The following ST3GAL2 variants were observed in gnomAD, a reference collection of about 807,000 sequenced individuals.
ST3GAL2 encodes CMP-N-acetylneuraminate-beta-galactosamide-alpha-2,3-sialyltransferase 2.
A neutral mutation model predicts 37.5 loss-of-function variants in ST3GAL2; 16 were observed. That is an observed-to-expected ratio of 0.43 (90% CI 0.29 to 0.65). The LOEUF (loss-of-function observed/expected upper bound fraction) is 0.65, where lower values mean the gene tolerates loss of function less well. Ranked by LOEUF, ST3GAL2 falls within the 30% of genes least tolerant of loss-of-function variation. ST3GAL2 has a pLI of 0.17. For missense variants in ST3GAL2, 383 were observed against 487.8 expected (o/e 0.79, Z 2.02); for synonymous variants, 238 against 202.9 (o/e 1.17, Z -1.47).
chr16:70,419,927 T>C (rs987300304), intron 1 of ST3GAL2, among the ~76,000 whole-genome samples: 4 of 151,728 alleles, frequency 2.6e-5, no homozygotes, highest in African/African-American at 7.3e-5. Flanking sequence ...GCTGCAGGTA[T>C]GGAGGCCTAC....
chr16:70,394,647 G>A (rs8046253), intron 3 of ST3GAL2, among the ~76,000 whole-genome samples: 1 of 152,120 alleles, frequency 6.6e-6, no homozygotes, highest in Non-Finnish European at 1.5e-5. Context: ...CAAAGCGCTG[G>A]AATTACAGGT....
intron 4 of ST3GAL2, among the ~76,000 whole-genome samples, chr16:70,386,316 T>C (rs2047443264): frequency 6.6e-6 from 1 of 152,114 alleles, no homozygotes; most frequent in Admixed American, 6.6e-5. Context: ...GCCTCCCCAG[T>C]AGCTGGGACT....
chr16:70,388,911 AAAAC>A (rs1356288715), intron 3 of ST3GAL2, among the ~76,000 whole-genome samples: 4 of 151,040 alleles, frequency 2.6e-5, no homozygotes, highest in African/African-American at 9.7e-5. Flanking sequence ...TAAAAAAAAA[AAAAC>A]AAATATAAAA....
intron 6 of ST3GAL2, among the ~76,000 whole-genome samples, chr16:70,382,257 A>G (rs2047411548): frequency 6.6e-6 from 1 of 151,100 alleles, no homozygotes; most frequent in South Asian, 2.1e-4. Context: ...ATTCAACTAC[A>G]TACACTCTCC....
At chr16:70,382,278 T>C (rs147226396) in intron 6 of ST3GAL2, among the ~76,000 whole-genome samples, 6 of 152,084 alleles carry the variant, frequency 3.9e-5, no homozygotes, top group Non-Finnish European at 7.4e-5. Flanking sequence ...ATTCTATTTA[T>C]GTTTTTTTTT....
intron 1 of ST3GAL2, among the ~76,000 whole-genome samples, chr16:70,404,743 T>C (rs987857605): frequency 6.6e-5 from 10 of 152,062 alleles, no homozygotes; most frequent in African/African-American, 1.9e-4. Flanking sequence ...ACATAAAAAC[T>C]TGTACACATG....
At chr16:70,385,912 G>T (rs2047439729) in intron 4 of ST3GAL2, among the ~76,000 whole-genome samples, 2 of 151,856 alleles carry the variant, frequency 1.3e-5, no homozygotes, top group Non-Finnish European at 2.9e-5. Flanking sequence ...TCGCCATGTT[G>T]CCCAAGGTGG....
At chr16:70,413,659 C>A (rs1215337095) in intron 1 of ST3GAL2, among the ~76,000 whole-genome samples, 1 of 150,818 alleles carries the variant, frequency 6.6e-6, no homozygotes, top group Non-Finnish European at 1.5e-5. Flanking sequence ...TTGCTTGAGC[C>A]CAGGAAGCGG....
At chr16:70,402,459 A>C (rs1349947799) in intron 1 of ST3GAL2, among the ~76,000 whole-genome samples, 1 of 152,170 alleles carries the variant, frequency 6.6e-6, no homozygotes, top group East Asian at 1.9e-4. Flanking sequence ...ATCCATGAAA[A>C]GCTAAAAAAT....
At position 70,381,572 on chromosome 16, in the gene ST3GAL2, G is replaced by A. The variant is rs1390484387; in HGVS notation, c.*117C>T. ...GGTCCCCCAGTCTCGTGATTGGCGG[G>A]GCACAGCAGACGCCCCTGGGCTGCA... On this transcript the variant is annotated 3_prime_UTR_variant, in exon 7 of 7. Transcript: ENST00000342907. The A allele has an allele frequency of 1.6e-6, 2 of 1,272,178 alleles. No individual in the cohort carries two copies. The highest frequency in any genetic ancestry group is 1.5e-5 in the African/African-American group (1 of 66,762). 78.8% of individuals were successfully genotyped at this position (1,272,178 alleles called of 1,614,324 possible). A position where few individuals can be genotyped will look rare whatever the true frequency, so the allele number is the denominator to read the frequency against.
At chr16:70,384,038 C>T (rs1313349938) in intron 4 of ST3GAL2, among the ~76,000 whole-genome samples, 4 of 152,032 alleles carry the variant, frequency 2.6e-5, no homozygotes, top group East Asian at 3.9e-4. Context: ...CCACGGCCCC[C>T]GTAACCTACA....
rs567688682 is a variant in ST3GAL2 at position 70,439,022 on chromosome 16, T to TCGC, written c.-1080_-1078dup. 2,950 of 157,422 alleles carry TCGC rather than the reference T, an allele frequency of 0.019. 29 individuals are homozygous for TCGC. Among genetic ancestry groups the TCGC allele is most frequent in the Non-Finnish European group, 0.028 (2,140 of 76,874 alleles). 9.8% of individuals were successfully genotyped at this position (157,422 alleles called of 1,614,324 possible). A position where few individuals can be genotyped will look rare whatever the true frequency, so the allele number is the denominator to read the frequency against. On this transcript the variant is annotated 5_prime_UTR_variant, in exon 1 of 7. Transcript: ENST00000342907. The stretch of plus-strand genomic sequence containing the variant: ...CCGCCGCCGCCCGCGCAGAAAGCCG[T>TCGC]CGCCGCCGCCGCCGCCGCCGCCGCC...
intron 1 of ST3GAL2, among the ~76,000 whole-genome samples, chr16:70,423,750 C>T (rs1407637258): frequency 6.9e-6 from 1 of 145,068 alleles, no homozygotes; most frequent in African/African-American, 2.6e-5. Context: ...GATCTCGGCT[C>T]ACCACAACCT....
Position 70,378,191 on chromosome 16 carries a change from T to G in ST3GAL2, c.*3498A>C, listed in dbSNP as rs2047364195. The G allele has an allele frequency of 6.6e-6, 1 of 152,030 alleles. No individual in the cohort carries two copies. The highest frequency in any genetic ancestry group is 2.4e-5 in the African/African-American group (1 of 41,384). The allele number at this position is 152,030 out of a possible 1,614,324, so 9.4% of individuals were successfully genotyped here. ...ACATTGGGAGGCCAAAGGGGGTGGATGACCTGTGGTCAGGAGTTCGAGACC... is the reference window on the plus strand; with the variant it reads ...ACATTGGGAGGCCAAAGGGGGTGGAGGACCTGTGGTCAGGAGTTCGAGACC... On this transcript the variant is annotated 3_prime_UTR_variant, in exon 7 of 7. Transcript: ENST00000342907.
intron 1 of ST3GAL2, chr16:70,399,769 G>T (rs1001629463): frequency 2.0e-5 from 5 of 243,908 alleles, no homozygotes; most frequent in Non-Finnish European, 3.9e-5. Context: ...GAAGGTAAAC[G>T]AGTCAAGTGA....
intron 1 of ST3GAL2, among the ~76,000 whole-genome samples, chr16:70,414,818 G>A (rs60045805): frequency 0.08 from 12,183 of 151,856 alleles, 1,623 homozygotes; most frequent in African/African-American, 0.28. Context: ...GACTACAGGC[G>A]CCTGCCACCA....
chr16:70,389,560 G>A (rs1241327152), intron 3 of ST3GAL2, among the ~76,000 whole-genome samples: 2 of 152,148 alleles, frequency 1.3e-5, no homozygotes, highest in Non-Finnish European at 2.9e-5. Flanking sequence ...CACCTCCTGG[G>A]TTCAAGGGAT....
intron 1 of ST3GAL2, among the ~76,000 whole-genome samples, chr16:70,428,308 G>GA (rs2047765284): frequency 6.6e-6 from 1 of 152,256 alleles, no homozygotes; most frequent in East Asian, 1.9e-4. Context: ...GGAGGTGACA[G>GA]AGCGGCAGCA....
chr16:70,404,007 A>G (rs867040346), intron 1 of ST3GAL2, among the ~76,000 whole-genome samples: 2 of 152,030 alleles, frequency 1.3e-5, no homozygotes, highest in African/African-American at 2.4e-5. Context: ...AAAAAAAAAG[A>G]AAGTTTTTTA....
Sources: gnomAD v4.1 joint callset for allele counts (sites outside exome capture counted in the v4.1 genomes callset) on GRCh38, gnomAD v4.1.1 for gene constraint, MANE v1.5 for transcripts, NCBI Gene and HGNC (gene_info 2026-07-23, HGNC 2026-07-21) for gene names.